The following DOCK8 variants were observed in gnomAD, a reference collection of about 807,000 sequenced individuals.
The protein encoded by DOCK8 is dedicator of cytokinesis protein 8.
A neutral mutation model predicts 245.6 loss-of-function variants in DOCK8; 141 were observed. That is an observed-to-expected ratio of 0.57 (90% CI 0.50 to 0.66). The LOEUF is 0.66. Among genes scored for constraint, DOCK8 ranks in the 30% least tolerant of loss-of-function variants. DOCK8 has a pLI of 0.00. For missense variants in DOCK8, 2,965 were observed against 2,603.4 expected (o/e 1.14, Z -3.02); for synonymous variants, 1,168 against 970.2 (o/e 1.20, Z -3.79).
At chr9:226,899 A>G (rs150893616) in intron 1 of DOCK8, among the ~76,000 whole-genome samples, 2 of 152,356 alleles carry the variant, frequency 1.3e-5, no homozygotes, top group African/African-American at 4.8e-5. Flanking sequence ...AAATATTGAT[A>G]TGATTTTGAT....
Position 322,967 on chromosome 9 carries a change from C to T in DOCK8, c.828-2704C>T, listed in dbSNP as rs1223921015. 2.0e-5 allele frequency among the ~76,000 whole-genome samples: 3 copies of T among 151,884 alleles called. No individual in the cohort carries two copies. In the East Asian group the frequency reaches 5.9e-4, roughly 30 times the overall value. ...AATTAGCTGGGTGTGGTGGCACATG[C>T]CTGTAGTCACAGCTGCTAGGGAGGC... is the stretch of plus-strand genomic sequence containing the variant. On this transcript the variant is annotated intron_variant, in intron 7 of 47. Transcript: ENST00000432829.
chr9:274,503 T>G (rs923565938), intron 2 of DOCK8, among the ~76,000 whole-genome samples: 5 of 150,876 alleles, frequency 3.3e-5, no homozygotes, highest in African/African-American at 1.2e-4. Flanking sequence ...TTTTTTTTTT[T>G]AGATGAATAG....
chr9:215,810 T>C (rs1353880340), intron 1 of DOCK8: 1 of 175,030 alleles, frequency 5.7e-6, no homozygotes, highest in Non-Finnish European at 1.4e-5. Flanking sequence ...ACTGCAGTTT[T>C]TCCTCCACTA....
At chr9:295,719 T>A (rs2049234818) in intron 4 of DOCK8, among the ~76,000 whole-genome samples, 1 of 152,220 alleles carries the variant, frequency 6.6e-6, no homozygotes, top group Non-Finnish European at 1.5e-5. Flanking sequence ...GATATTACAT[T>A]TCTCCATAAT....
At chr9:230,800 C>T (rs982005635) in intron 1 of DOCK8, among the ~76,000 whole-genome samples, 12 of 151,760 alleles carry the variant, frequency 7.9e-5, no homozygotes, top group Middle Eastern at 3.2e-3. Flanking sequence ...TCTGGATATT[C>T]GCCCTTTGTC....
chr9:435,167 C>G (rs1014534715), intron 39 of DOCK8, among the ~76,000 whole-genome samples, 192 bp downstream of exon 39: 57 of 152,292 alleles, frequency 3.7e-4, no homozygotes, highest in Middle Eastern at 3.4e-3. Context: ...TAGGAGAGCT[C>G]CCCTGACAAA....
intron 24 of DOCK8, among the ~76,000 whole-genome samples, chr9:392,132 C>G (rs1193133041): frequency 6.8e-6 from 1 of 147,208 alleles, no homozygotes; most frequent in Non-Finnish European, 1.5e-5. Flanking sequence ...GAGCAAAACT[C>G]CATCTAAAAA....
At chr9:264,483 G>A (rs372552178) in intron 1 of DOCK8, among the ~76,000 whole-genome samples, 2 of 151,538 alleles carry the variant, frequency 1.3e-5, no homozygotes, top group Non-Finnish European at 3.0e-5. Context: ...GTTATGGCTT[G>A]TCTGTTTATG....
chr9:299,450 A>G (rs112106769), intron 4 of DOCK8, among the ~76,000 whole-genome samples: 4,391 of 152,096 alleles, frequency 0.029, 99 homozygotes, highest in South Asian at 0.057. Context: ...TTTTGTAGAG[A>G]TGCGGTTTCA....
At chr9:430,497 C>A (rs1033249457) in intron 36 of DOCK8, among the ~76,000 whole-genome samples, 7 of 152,114 alleles carry the variant, frequency 4.6e-5, no homozygotes, top group African/African-American at 1.7e-4. Flanking sequence ...GCCTGGCCAA[C>A]ATGGTGAAAC....
intron 35 of DOCK8, among the ~76,000 whole-genome samples, chr9:428,952 A>T (rs926418726): frequency 1.3e-5 from 2 of 151,106 alleles, no homozygotes; most frequent in African/African-American, 4.9e-5. Flanking sequence ...CATGCAGATT[A>T]TTTTTCCCTT....
intron 24 of DOCK8, among the ~76,000 whole-genome samples, chr9:394,969 A>G (rs144450670): frequency 3.9e-5 from 6 of 152,356 alleles, no homozygotes; most frequent in Non-Finnish European, 7.3e-5. Flanking sequence ...AGCCAAATAC[A>G]GCAGTGAGTT....
rs769111782 is a variant in DOCK8, at chr9:418,076, A to G, written c.3709A>G (p.Thr1237Ala). 5.6e-6 allele frequency: 9 copies of G among 1,614,082 alleles called. No individual in the cohort carries two copies. Among genetic ancestry groups the G allele is most frequent in the African/African-American group, 1.3e-5 (1 of 74,930 alleles). ...PQLCDFTVADTRRYRTSGSDE... is the reference protein window; with the variant it reads ...PQLCDFTVADARRYRTSGSDE... ...CGATGTTTTCATTGCAGTTGCAGATACTCGCAGATACCGCACCAGTGGCTC... is the reference window on the plus strand; with the variant it reads ...CGATGTTTTCATTGCAGTTGCAGATGCTCGCAGATACCGCACCAGTGGCTC... Residue 1237 changes from threonine to alanine, a missense_variant, in exon 30 of 48, where the codon ACT becomes GCT. Coordinates refer to ENST00000432829, the MANE Select transcript of DOCK8 (RefSeq NM_203447.4).
At chr9:339,749 C>T (rs1211380923) in intron 13 of DOCK8, among the ~76,000 whole-genome samples, 1 of 152,194 alleles carries the variant, frequency 6.6e-6, no homozygotes, top group African/African-American at 2.4e-5. Context: ...CTCTTGACCT[C>T]GTGATCCACC....
chr9:441,725 C>T (rs1323709282), intron 41 of DOCK8, 150 bp from the exon 42 acceptor site: 3 of 1,005,116 alleles, frequency 3.0e-6, no homozygotes, highest in African/African-American at 1.6e-5. Context: ...ATTCCATAAG[C>T]ATTAAATTTT....
intron 33 of DOCK8, among the ~76,000 whole-genome samples, chr9:425,667 G>A (rs1387369034): frequency 3.3e-5 from 5 of 150,998 alleles, no homozygotes; most frequent in Non-Finnish European, 7.4e-5. Flanking sequence ...CTAAGGCAGA[G>A]CATCACTTGA....
chr9:391,223 C>T (rs1332214811), intron 24 of DOCK8, among the ~76,000 whole-genome samples: 1 of 152,164 alleles, frequency 6.6e-6, no homozygotes, highest in Non-Finnish European at 1.5e-5. Context: ...TGGAACCATC[C>T]CCAAGAGGCC....
In DOCK8 at chr9:376,254, T is replaced by C. The variant is rs1278640887; in HGVS notation, c.2154T>C (p.His718=). ...CTCCCATTAAGTGGGCTGAAGGACA[T>C]AAGGGAGTATTTAATATTGAAGTGC... ...QNPPIKWAEG[H]KGVFNIEVQA... is the part of the protein sequence containing the mutation. Residue 718 remains histidine, a synonymous_variant, in exon 19 of 48, where the codon CAT becomes CAC. Transcript: ENST00000432829. The C allele has an allele frequency of 6.2e-7, 1 of 1,613,444 alleles. No homozygotes were observed. Among genetic ancestry groups the C allele is most frequent in the African/African-American group, 1.3e-5 (1 of 74,934 alleles).
intron 4 of DOCK8, among the ~76,000 whole-genome samples, chr9:291,139 A>G (rs952346884): frequency 6.6e-5 from 10 of 152,070 alleles, no homozygotes; most frequent in African/African-American, 2.4e-4. Context: ...TTAAAGATCT[A>G]AAAAAAATCT....
Sources: gnomAD v4.1 joint callset for allele counts (sites outside exome capture counted in the v4.1 genomes callset) on GRCh38, gnomAD v4.1.1 for gene constraint, MANE v1.5 for transcripts, NCBI Gene and HGNC (gene_info 2026-07-23, HGNC 2026-07-21) for gene names.